MYO7A: variants seen among roughly 807,000 people sequenced by gnomAD.
MYO7A encodes myosin VIIA, also known as unconventional myosin-VIIa.
In MYO7A, 210 loss-of-function variants were observed where a neutral mutation model predicts 263.8. The observed-to-expected ratio is 0.80, with a 90% CI of 0.71 to 0.89. The LOEUF (loss-of-function observed/expected upper bound fraction) is 0.89. MYO7A is among the 40% of genes least tolerant of loss of function. The pLI is 0.00. For synonymous variants in MYO7A, 1,239 were observed against 1,197.3 expected (o/e 1.03, Z -0.72); for missense variants, 2,820 against 2,968.3 (o/e 0.95, Z 1.16).
chr11:77,138,434 G>A lies in MYO7A; in HGVS notation c.19-4275G>A, dbSNP rs1316478900. The stretch of plus-strand genomic sequence containing the variant: ...GTCCTGCCGGTGAGGCCCGGGCCAG[G>A]AGGGGAGAAGGGAGGGGGAGGGCGC... On this transcript the variant is annotated intron_variant, in intron 2 of 48. Coordinates refer to ENST00000409709, the MANE Select transcript of MYO7A (RefSeq NM_000260.4). This position sits in a 1 kb window ranked among gnomAD's most constrained non-coding sequence, Gnocchi z 4.9. Among the ~76,000 whole-genome samples the A allele has an allele frequency of 1.3e-5, 2 of 152,208 alleles. No individual in the cohort carries two copies. Among genetic ancestry groups the A allele is most frequent in the Admixed American group, 6.5e-5 (1 of 15,290 alleles).
intron 34 of MYO7A, 125 bp from the exon 35 acceptor site, chr11:77,199,410 C>A: frequency 9.9e-7 from 1 of 1,013,758 alleles, no homozygotes; most frequent in Non-Finnish European, 1.3e-6. Context: ...CACTGTGGGT[C>A]TCCCTCTGGG....
At chr11:77,197,168 A>C (rs1956723388) in intron 32 of MYO7A, among the ~76,000 whole-genome samples, 1 of 152,150 alleles carries the variant, frequency 6.6e-6, no homozygotes, top group Non-Finnish European at 1.5e-5. Flanking sequence ...TGGGCCTCCC[A>C]CATGCTCTGC....
At chr11:77,187,254 T>G (rs1955715969) in intron 27 of MYO7A, among the ~76,000 whole-genome samples, 1 of 152,212 alleles carries the variant, frequency 6.6e-6, no homozygotes, top group African/African-American at 2.4e-5. Context: ...GCACATGCTG[T>G]TGGAGAAATG....
chr11:77,151,570 AG>A (rs1304815612), intron 4 of MYO7A, among the ~76,000 whole-genome samples: 1 of 152,158 alleles, frequency 6.6e-6, no homozygotes, highest in Non-Finnish European at 1.5e-5. Flanking sequence ...GGGGACCCCT[AG>A]GGACCACACG....
intron 28 of MYO7A, among the ~76,000 whole-genome samples, chr11:77,189,693 C>T (rs1289171912): frequency 1.3e-5 from 2 of 152,338 alleles, no homozygotes; most frequent in Admixed American, 1.3e-4. Flanking sequence ...CTGAGTCTGA[C>T]AGGAGCGTGT....
intron 3 of MYO7A, among the ~76,000 whole-genome samples, chr11:77,144,414 C>T (rs186577721): frequency 3.3e-5 from 5 of 152,280 alleles, no homozygotes; most frequent in Admixed American, 6.5e-5. Context: ...GATGGTGTCC[C>T]GTAACTGCGT....
chr11:77,175,593 T>C, intron 18 of MYO7A, 129 bp downstream of exon 18: 1 of 898,942 alleles, frequency 1.1e-6, no homozygotes, highest in Non-Finnish European at 1.8e-6. Flanking sequence ...GTGGTGTGGC[T>C]GGAGGAGCAG....
intron 15 of MYO7A, among the ~76,000 whole-genome samples, chr11:77,171,421 A>T (rs1954080420): frequency 6.6e-6 from 1 of 152,212 alleles, no homozygotes; most frequent in South Asian, 2.1e-4. Context: ...ACCCTACCGC[A>T]TTGCAAATAC....
intron 37 of MYO7A, among the ~76,000 whole-genome samples, 185 bp downstream of exon 37, chr11:77,202,609 C>T (rs1565467780): frequency 6.6e-6 from 1 of 152,138 alleles, no homozygotes; most frequent in Non-Finnish European, 1.5e-5. Flanking sequence ...ATCTTATCTT[C>T]CTTCCTTCAA....
intron 44 of MYO7A, among the ~76,000 whole-genome samples, chr11:77,209,588 A>C (rs1468555796): frequency 8.9e-6 from 1 of 111,800 alleles, no homozygotes; most frequent in Non-Finnish European, 1.7e-5. Flanking sequence ...CAGTTCCCCC[A>C]GAGTCAGCCT....
chr11:77,180,603 C>G (rs1426003296), intron 22 of MYO7A, 122 bp downstream of exon 22: 2 of 809,548 alleles, frequency 2.5e-6, no homozygotes, highest in Non-Finnish European at 3.9e-6. Flanking sequence ...AATGGCCACA[C>G]TAGACCCACT....
chr11:77,173,024 A>G lies in MYO7A; in HGVS notation c.1935+139A>G. Reference sequence around the variant, plus strand: ...ATGGGGGGCACCCCGGGAGCTTACAAAACAAGGCCCCCTATTTATTGGAGG... The same window carrying G: ...ATGGGGGGCACCCCGGGAGCTTACAGAACAAGGCCCCCTATTTATTGGAGG... On this transcript the variant is annotated intron_variant, in intron 16 of 48. Transcript: ENST00000409709. The G allele has an allele frequency of 3.1e-6, 4 of 1,272,182 alleles. No individual in the cohort carries two copies. In the South Asian group the frequency reaches 4.7e-5, roughly 15 times the overall value. The allele number at this position is 1,272,182 out of a possible 1,614,324, so 78.8% of individuals were successfully genotyped here.
intron 1 of MYO7A, among the ~76,000 whole-genome samples, chr11:77,129,515 C>T (rs779916190): frequency 1.3e-5 from 2 of 152,166 alleles, no homozygotes; most frequent in Non-Finnish European, 2.9e-5. Context: ...AAGCTCCTTC[C>T]TGAGGCCGTC....
Position 77,181,572 on chromosome 11 carries a change from G to A in MYO7A, c.2887G>A (p.Ala963Thr), listed in dbSNP as rs1555084341. ...TGGCCTGCCAGGCCAGGAGGGCCAG[G>A]CACCTAGTGGCTTTGAGGTACCAGG... ...SGGLPGQEGQAPSGFEDLERG... is the reference protein window; with the variant it reads ...SGGLPGQEGQTPSGFEDLERG... Residue 963 changes from alanine (A) to threonine (T), a missense_variant, in exon 23 of 49, where the codon GCA becomes ACA. By Grantham distance (58) the Ala-to-Thr change is moderately conservative (BLOSUM62 0). Transcript: ENST00000409709. 6.2e-7 allele frequency: 1 copy of A among 1,613,190 alleles called. No individual in the cohort carries two copies. The highest frequency in any genetic ancestry group is 2.2e-5 in the East Asian group (1 of 44,856).
chr11:77,167,458 G>T (rs1430219086), intron 15 of MYO7A, among the ~76,000 whole-genome samples: 1 of 152,024 alleles, frequency 6.6e-6, no homozygotes, highest in Non-Finnish European at 1.5e-5. Context: ...GAGGGGATAT[G>T]ACTCATTCCA....
intron 31 of MYO7A, 80 bp from the exon 32 acceptor site, chr11:77,194,274 G>T: frequency 6.7e-7 from 1 of 1,497,812 alleles, no homozygotes; most frequent in South Asian, 1.2e-5. Flanking sequence ...CCAGGAGAGG[G>T]GCCTGGAGCC....
At chr11:77,211,431 G>A (rs925861922) in intron 45 of MYO7A, 94 bp downstream of exon 45, 41 of 1,348,596 alleles carry the variant, frequency 3.0e-5, no homozygotes, top group Non-Finnish European at 4.1e-5. Flanking sequence ...CAGCAGCCCA[G>A]GGAGGTGCAT....
intron 48 of MYO7A, among the ~76,000 whole-genome samples, 182 bp downstream of exon 48, chr11:77,214,161 T>C (rs1324185459): frequency 1.3e-5 from 2 of 152,180 alleles, no homozygotes; most frequent in African/African-American, 4.8e-5. Flanking sequence ...AGGGACTTAA[T>C]CTGGGGCTGA....
intron 2 of MYO7A, 91 bp from the exon 3 acceptor site, chr11:77,142,618 T>C: frequency 8.9e-7 from 1 of 1,118,766 alleles, no homozygotes; most frequent in East Asian, 2.6e-5. Flanking sequence ...GCTCAGAGCC[T>C]CTGATTGTAG....
Sources: gnomAD v4.1 joint callset for allele counts (sites outside exome capture counted in the v4.1 genomes callset) on GRCh38, gnomAD v4.1.1 for gene constraint, Gnocchi (gnomAD v3.1) non-coding constraint, MANE v1.5 for transcripts, NCBI Gene and HGNC (gene_info 2026-07-23, HGNC 2026-07-21) for gene names.